Variants in CFAP99 observed in about 807,000 individuals in gnomAD.
CFAP99 encodes cilia- and flagella-associated protein 99.
Under a neutral mutation model 82.7 loss-of-function variants are expected in CFAP99, and 84 were observed. The observed-to-expected ratio is 1.02, with a 90% CI of 0.85 to 1.22. The LOEUF is 1.22. CFAP99 is among the 50% of genes most tolerant of loss of function. CFAP99 has a pLI of 0.00. For synonymous variants in CFAP99, 456 were observed against 429.5 expected (o/e 1.06, Z -0.76); for missense variants, 1,059 against 983.5 (o/e 1.08, Z -1.03).
At chr4:2,437,289 G>A (rs866487181) in intron 3 of CFAP99, among the ~76,000 whole-genome samples, 6 of 152,332 alleles carry the variant, frequency 3.9e-5, no homozygotes, top group South Asian at 2.1e-4. Flanking sequence ...CGGACAACAC[G>A]AGAGCCTTCC....
intron 1 of CFAP99, among the ~76,000 whole-genome samples, chr4:2,421,650 A>G (rs923299853): frequency 1.3e-5 from 2 of 152,152 alleles, no homozygotes; most frequent in African/African-American, 4.8e-5. Context: ...CGCCCAGCCT[A>G]GTCCAGCCCA....
intron 14 of CFAP99, 26 bp downstream of exon 14, chr4:2,460,268 C>A (rs58090809): frequency 0.031 from 47,062 of 1,531,598 alleles, 942 homozygotes; most frequent in South Asian, 0.059. Flanking sequence ...GGGGAGGGTG[C>A]CTCTGGGTGG....
rs1353214732 is a variant in CFAP99, at chr4:2,448,615, G to A, written c.643-1055G>A. On this transcript the variant is annotated intron_variant, in intron 6 of 14. Transcript: ENST00000635017. This position sits in a 1 kb window ranked among gnomAD's most constrained non-coding sequence, Gnocchi z 5.2. ...TAAAAAACCAGAAGTGAGCAAGTCG[G>A]CCATGGGGTGTCTCAGAGAACAGCA... Among the ~76,000 whole-genome samples, 5 of 152,254 alleles carry A rather than the reference G, an allele frequency of 3.3e-5. No individual in the cohort carries two copies. The highest frequency in any genetic ancestry group is 1.2e-4 in the African/African-American group (5 of 41,462).
chr4:2,445,020 AC>A (rs1216650484), intron 5 of CFAP99, 110 bp from the exon 6 acceptor site: 16 of 740,482 alleles, frequency 2.2e-5, no homozygotes, highest in South Asian at 1.3e-4. Flanking sequence ...TATCACCTCC[AC>A]CCCAAGGTGG....
intron 6 of CFAP99, among the ~76,000 whole-genome samples, chr4:2,447,999 AGATGGATGGATAAGTGGATGAATG>A (rs1734211577): frequency 7.0e-6 from 1 of 143,282 alleles, no homozygotes. Flanking sequence ...AAGGATAAGT[AGATGGATGGATAAGTGGATGAATG>A]GATGGATGGA....
At chr4:2,427,673 C>CG (rs1254452106) in intron 2 of CFAP99, 1 of 152,858 alleles carries the variant, frequency 6.5e-6, no homozygotes, top group African/African-American at 2.4e-5. Flanking sequence ...CTCCAGCTCC[C>CG]GCTCTCACTA....
chr4:2,436,784 C>A, intron 2 of CFAP99, 90 bp from the exon 3 acceptor site: 1 of 1,093,846 alleles, frequency 9.1e-7, no homozygotes, highest in Non-Finnish European at 1.3e-6. Context: ...GGGGCCGCTC[C>A]ACCCCTGCCT....
At chr4:2,453,970 T>G (rs1428413984) in intron 11 of CFAP99, among the ~76,000 whole-genome samples, 2 of 151,742 alleles carry the variant, frequency 1.3e-5, no homozygotes, top group African/African-American at 4.8e-5. Flanking sequence ...AGCACCACCA[T>G]GCATGGCTAA....
Position 2,462,469 on chromosome 4 carries a change from C to T in CFAP99, c.1688C>T (p.Ala563Val), listed in dbSNP as rs1285886878. 4.1e-6 allele frequency: 6 copies of T among 1,467,118 alleles called. No individual in the cohort carries two copies. The highest frequency in any genetic ancestry group is 5.4e-6 in the Non-Finnish European group (6 of 1,119,450). The allele number at this position is 1,467,118 out of a possible 1,614,324, so 90.9% of individuals were successfully genotyped here. The stretch of plus-strand genomic sequence containing the variant: ...TGGGAGGAAAAGAAGGCCCTTGCGG[C>T]GGCCCCGGCGGCGCCCTCGCAGGAC... The change falls in exon 15 of 15, where the codon GCG becomes GTG. Residue 563 changes from alanine (A) to valine (V), a missense_variant. By Grantham distance (64) the Ala-to-Val change is moderately conservative. Transcript: ENST00000635017. This position sits in a 1 kb window ranked among gnomAD's most constrained non-coding sequence, Gnocchi z 4.1.
At position 2,434,163 on chromosome 4, in the gene CFAP99, G is replaced by C. The variant is rs113088267; in HGVS notation, c.112-2711G>C. ...CAAGCCCAGGAGGCTGGTTTCAGATGCATTCATGTGATGTCCGCCCCAGTA... is the reference window on the plus strand; with the variant it reads ...CAAGCCCAGGAGGCTGGTTTCAGATCCATTCATGTGATGTCCGCCCCAGTA... On this transcript the variant is annotated intron_variant, in intron 2 of 14. Transcript: ENST00000635017. Among the ~76,000 whole-genome samples, 21 of 152,346 alleles carry C rather than the reference G, an allele frequency of 1.4e-4. 2 individuals are homozygous for C. The highest frequency in any genetic ancestry group is 4.6e-4 in the African/African-American group (19 of 41,586).
chr4:2,460,027 C>A lies in CFAP99; in HGVS notation c.1456-10C>A, dbSNP rs1199549482. On this transcript the variant is annotated splice_polypyrimidine_tract_variant and intron_variant, in intron 13 of 14. Coordinates refer to ENST00000635017, the Ensembl canonical transcript of CFAP99. ...GCTCCCAGCTTGGGGCCTCCCCTAC[C>A]ACCCCACAGATCCCCGGCTACGGCC... The A allele has an allele frequency of 1.2e-5, 19 of 1,535,538 alleles. No homozygotes were observed. The highest frequency in any genetic ancestry group is 1.6e-5 in the Non-Finnish European group (18 of 1,146,796).
At chr4:2,426,775 GCCA>G in intron 2 of CFAP99, 189 bp downstream of exon 2, 1 of 579,426 alleles carries the variant, frequency 1.7e-6, no homozygotes. Flanking sequence ...TGTGTGTCAG[GCCA>G]GGCTCTGGTG....
intron 11 of CFAP99, 35 bp from the exon 12 acceptor site, chr4:2,458,688 C>T (rs704345): frequency 1.3e-6 from 2 of 1,517,206 alleles, no homozygotes; most frequent in East Asian, 2.5e-5. Flanking sequence ...GCCGGAGCAG[C>T]CCCACTCACC....
rs117074773 is a variant in CFAP99 at position 2,462,248 on chromosome 4, T to C, written c.1662-195T>C. On this transcript the variant is annotated intron_variant, in intron 14 of 14. Coordinates refer to ENST00000635017, the Ensembl canonical transcript of CFAP99. This position sits in a 1 kb window ranked among gnomAD's most constrained non-coding sequence, Gnocchi z 4.1. ...AAGTGCTGGAGACTCCCCCAACCCC[T>C]CCAGCCCCTGAGCGGTGGTACTGTC... 150 of 459,876 alleles carry C rather than the reference T, an allele frequency of 3.3e-4. 1 individual carries two copies. The East Asian group carries it at 4.7e-3, about 14-fold the overall frequency. 28.5% of individuals were successfully genotyped at this position (459,876 alleles called of 1,614,324 possible).
At chr4:2,458,894 A>G in intron 12 of CFAP99, 30 bp downstream of exon 12, 1 of 1,521,362 alleles carries the variant, frequency 6.6e-7, no homozygotes, top group Non-Finnish European at 8.8e-7. Flanking sequence ...CACTGGCCCT[A>G]CCCCGCTCTT....
At chr4:2,433,631 G>A (rs957337790) in intron 2 of CFAP99, among the ~76,000 whole-genome samples, 2 of 152,112 alleles carry the variant, frequency 1.3e-5, no homozygotes, top group African/African-American at 2.4e-5. Context: ...GGGTCCCCGC[G>A]ATCTATGTGG....
intron 14 of CFAP99, among the ~76,000 whole-genome samples, chr4:2,461,516 C>G (rs1468598730): frequency 6.6e-6 from 1 of 152,196 alleles, no homozygotes; most frequent in Non-Finnish European, 1.5e-5. Context: ...TGGCTGCCCA[C>G]CAGCTCCCCA....
rs1156635229 is a variant in CFAP99 at position 2,433,901 on chromosome 4, C to T, written c.112-2973C>T. On this transcript the variant is annotated intron_variant, in intron 2 of 14. Coordinates refer to ENST00000635017, the Ensembl canonical transcript of CFAP99. ...GGCTGGGGACTCCGAGGGAGCTGGG[C>T]ACTTCCATGCAGGGCCTCACTGGCC... Among the ~76,000 whole-genome samples the T allele has an allele frequency of 2.0e-5, 3 of 152,202 alleles. No individual in the cohort carries two copies. The East Asian group carries it at 5.8e-4, about 29-fold the overall frequency.
intron 2 of CFAP99, among the ~76,000 whole-genome samples, chr4:2,433,853 G>A (rs1257901186): frequency 6.6e-6 from 1 of 152,254 alleles, no homozygotes; most frequent in African/African-American, 2.4e-5. Context: ...CAGGAGGCCA[G>A]TGTGACTGGA....
Sources: allele counts gnomAD v4.1 joint callset (sites outside exome capture counted in the v4.1 genomes callset), GRCh38; gene constraint gnomAD v4.1.1; non-coding constraint Gnocchi (gnomAD v3.1); transcripts MANE v1.5; gene names NCBI Gene and HGNC (gene_info 2026-07-23, HGNC 2026-07-21).